The following OPCML variants were observed in gnomAD, a reference collection of about 807,000 sequenced individuals.
The protein encoded by OPCML is opioid-binding protein/cell adhesion molecule.
A neutral mutation model predicts 37.8 loss-of-function variants in OPCML; 13 were observed. The observed-to-expected ratio is 0.34, with a 90% CI of 0.22 to 0.55. The LOEUF is 0.55. OPCML is among the 20% of genes least tolerant of loss of function. The pLI, the probability that OPCML is intolerant of heterozygous loss-of-function variation, is 0.91. For synonymous variants in OPCML, 176 were observed against 168.8 expected (o/e 1.04, Z -0.33); for missense variants, 341 against 435.6 (o/e 0.78, Z 1.93).
In OPCML at chr11:133,372,164, C is replaced by G. The variant is rs937235304; in HGVS notation, c.61+160100G>C. On this transcript the variant is annotated intron_variant, in intron 1 of 7. Transcript: ENST00000524381. ...CAATGCATTGTATATTTCAAAGTAG[C>G]TAGAAAAGAGGACTTGAAATGTTCC... is the stretch of plus-strand genomic sequence containing the variant. Among the ~76,000 whole-genome samples, 4 of 152,102 alleles carry G rather than the reference C, an allele frequency of 2.6e-5. No individual in the cohort carries two copies. The East Asian group carries it at 5.8e-4, about 22-fold the overall frequency.
intron 2 of OPCML, among the ~76,000 whole-genome samples, chr11:132,744,439 G>A (rs377524174): frequency 6.6e-6 from 1 of 152,098 alleles, no homozygotes; most frequent in Non-Finnish European, 1.5e-5. Flanking sequence ...TCAACTCAGC[G>A]CTTTCCTGAG....
intron 1 of OPCML, among the ~76,000 whole-genome samples, chr11:133,014,601 C>T (rs1228611716): frequency 6.6e-6 from 1 of 152,176 alleles, no homozygotes; most frequent in African/African-American, 2.4e-5. Flanking sequence ...GGAGACAGTC[C>T]TTTGCCTTCA....
At chr11:133,504,233 G>C (rs992278390) in intron 1 of OPCML, among the ~76,000 whole-genome samples, 10 of 152,172 alleles carry the variant, frequency 6.6e-5, no homozygotes, top group African/African-American at 2.4e-4. Context: ...CTTTCACGGA[G>C]AACCCCCAAA....
intron 2 of OPCML, among the ~76,000 whole-genome samples, chr11:132,724,121 A>G (rs918602902): frequency 6.6e-6 from 1 of 152,150 alleles, no homozygotes; most frequent in African/African-American, 2.4e-5. Context: ...AGGGCATTTC[A>G]GAGGGCAACT....
At chr11:133,108,093 G>A (rs958900053) in intron 1 of OPCML, among the ~76,000 whole-genome samples, 2 of 152,202 alleles carry the variant, frequency 1.3e-5, no homozygotes, top group African/African-American at 2.4e-5. Flanking sequence ...TATGGCAGGA[G>A]AGGGTTCACT....
At chr11:132,962,710 C>G (rs1946119800) in intron 1 of OPCML, among the ~76,000 whole-genome samples, 1 of 152,202 alleles carries the variant, frequency 6.6e-6, no homozygotes, top group Admixed American at 6.5e-5. Flanking sequence ...ACCTTGGAGC[C>G]CTCCTCTGGG....
In OPCML at chr11:132,886,677, G is replaced by T. The variant is rs187509845; in HGVS notation, c.146+56249C>A. Among the ~76,000 whole-genome samples the T allele has an allele frequency of 2.4e-4, 36 of 152,274 alleles. No individual in the cohort carries two copies. In the East Asian group the frequency reaches 6.2e-3, roughly 26 times the overall value. On this transcript the variant is annotated intron_variant, in intron 2 of 7. Transcript: ENST00000524381. Reference sequence around the variant, plus strand: ...TATGAGCAAGTCATGAGTCCATACCGGGTTCAGGAAAAGGGGGCCCAGACT... The same window carrying T: ...TATGAGCAAGTCATGAGTCCATACCTGGTTCAGGAAAAGGGGGCCCAGACT...
chr11:133,416,582 C>T (rs149005471), intron 1 of OPCML, among the ~76,000 whole-genome samples: 2 of 152,234 alleles, frequency 1.3e-5, no homozygotes, highest in African/African-American at 4.8e-5. Flanking sequence ...GTTCATCTGA[C>T]ATCTGACCAT....
chr11:133,244,906 G>A (rs1940865434), intron 1 of OPCML, among the ~76,000 whole-genome samples: 1 of 152,210 alleles, frequency 6.6e-6, no homozygotes, highest in Non-Finnish European at 1.5e-5. Context: ...AATACAGCCT[G>A]AGAAGGTCTG....
chr11:132,439,427 C>A (rs1242607276), intron 4 of OPCML, among the ~76,000 whole-genome samples: 1 of 152,180 alleles, frequency 6.6e-6, no homozygotes, highest in South Asian at 2.1e-4. Context: ...GATGGTGCTA[C>A]TGGATCAAAA....
chr11:132,860,483 C>T (rs1471832409), intron 2 of OPCML: 7 of 152,028 alleles, frequency 4.6e-5, no homozygotes, highest in Admixed American at 4.6e-4. Flanking sequence ...AATTACCTGC[C>T]TTTGTAGACT....
chr11:133,515,177 G>A (rs775146729), intron 1 of OPCML, among the ~76,000 whole-genome samples: 2 of 152,168 alleles, frequency 1.3e-5, no homozygotes, highest in Non-Finnish European at 1.5e-5. Flanking sequence ...ACCAGAGCAG[G>A]TCAGAGGTGC....
chr11:133,498,014 G>A (rs76609511), intron 1 of OPCML, among the ~76,000 whole-genome samples: 2,062 of 152,300 alleles, frequency 0.014, 43 homozygotes, highest in African/African-American at 0.047. Context: ...CAATTTAAAA[G>A]GGAACATCAG....
chr11:132,514,602 A>G (rs976751298), intron 4 of OPCML, among the ~76,000 whole-genome samples: 1 of 152,188 alleles, frequency 6.6e-6, no homozygotes, highest in African/African-American at 2.4e-5. Flanking sequence ...CTCCTTAGAC[A>G]GAATCAGAGG....
Position 133,450,639 on chromosome 11 carries a change from T to C in OPCML, c.61+81625A>G, listed in dbSNP as rs556885549. Among the ~76,000 whole-genome samples, 24 of 151,762 alleles carry C rather than the reference T, an allele frequency of 1.6e-4. 1 individual carries two copies. The South Asian group carries it at 5.0e-3, about 31-fold the overall frequency. ...AGAGAAAGAGATGCTCTGCTAACTCTGAAGACTAGCCTGGGTAGGTCACAA... is the reference window on the plus strand; with the variant it reads ...AGAGAAAGAGATGCTCTGCTAACTCCGAAGACTAGCCTGGGTAGGTCACAA... On this transcript the variant is annotated intron_variant, in intron 1 of 7. Transcript: ENST00000524381.
At chr11:132,583,374 T>C (rs1010339614) in intron 3 of OPCML, among the ~76,000 whole-genome samples, 4 of 152,132 alleles carry the variant, frequency 2.6e-5, no homozygotes, top group African/African-American at 7.2e-5. Flanking sequence ...TCATGGCTTA[T>C]TGTAGCCTCG....
At chr11:133,092,091 G>T (rs1038855886) in intron 1 of OPCML, among the ~76,000 whole-genome samples, 3 of 152,078 alleles carry the variant, frequency 2.0e-5, no homozygotes, top group African/African-American at 7.2e-5. Flanking sequence ...AAAGCTTGAG[G>T]GGGTGAATTT....
chr11:133,491,925 A>C (rs1947672745), intron 1 of OPCML, among the ~76,000 whole-genome samples: 1 of 152,166 alleles, frequency 6.6e-6, no homozygotes, highest in Non-Finnish European at 1.5e-5. Flanking sequence ...AGGCCTTTCT[A>C]TCCTGGGCTC....
intron 4 of OPCML, among the ~76,000 whole-genome samples, chr11:132,480,887 A>G (rs2096177607): frequency 6.6e-6 from 1 of 152,178 alleles, no homozygotes; most frequent in Non-Finnish European, 1.5e-5. Context: ...CATGGAAAGG[A>G]ACAACCGCTA....
Sources: gnomAD v4.1 joint callset for allele counts (sites outside exome capture counted in the v4.1 genomes callset) on GRCh38, gnomAD v4.1.1 for gene constraint, MANE v1.5 for transcripts, NCBI Gene and HGNC (gene_info 2026-07-23, HGNC 2026-07-21) for gene names.